WWTR1: variants seen among roughly 807,000 people sequenced by gnomAD.
WWTR1 encodes WW domain containing transcription regulator 1, also known as WW domain-containing transcription regulator protein 1.
In WWTR1, 13 loss-of-function variants were observed where a neutral mutation model predicts 40.1. That is an observed-to-expected ratio of 0.32 (90% CI 0.21 to 0.52). The LOEUF is 0.52. Ranked by LOEUF, WWTR1 falls within the 20% of genes least tolerant of loss-of-function variation. The pLI is 0.97. For synonymous variants in WWTR1, 230 were observed against 210.1 expected (o/e 1.09, Z -0.82); for missense variants, 436 against 523.1 (o/e 0.83, Z 1.63).
At chr3:149,622,502 G>GA (rs1553800284) in intron 2 of WWTR1, among the ~76,000 whole-genome samples, 2,656 of 46,214 alleles carry the variant, frequency 0.057, 144 homozygotes, top group Non-Finnish European at 0.073. Flanking sequence ...AGGAAGGAAG[G>GA]AAGAAAGAAA....
At chr3:149,691,379 T>A (rs1424882972) in intron 1 of WWTR1, among the ~76,000 whole-genome samples, 2 of 147,346 alleles carry the variant, frequency 1.4e-5, no homozygotes, top group African/African-American at 5.0e-5. Flanking sequence ...TGAAAATTTC[T>A]TTTTTTTTTG....
At chr3:149,670,526 C>T (rs149020688) in intron 1 of WWTR1, among the ~76,000 whole-genome samples, 2,209 of 152,084 alleles carry the variant, frequency 0.015, 24 homozygotes, top group Middle Eastern at 0.02. Context: ...CCCCTGTAGT[C>T]CCAGCTACTC....
intron 1 of WWTR1, among the ~76,000 whole-genome samples, chr3:149,682,951 G>A (rs1258674017): frequency 6.6e-6 from 1 of 152,156 alleles, no homozygotes; most frequent in East Asian, 1.9e-4. Context: ...GATGAAGCAT[G>A]GACCCTGGGG....
intron 1 of WWTR1, 59 bp from the exon 2 acceptor site, chr3:149,657,368 G>T: frequency 6.6e-7 from 1 of 1,516,992 alleles, no homozygotes; most frequent in Non-Finnish European, 8.9e-7. Flanking sequence ...GGGTAAGAGG[G>T]TTACAGGGTG....
intron 3 of WWTR1, among the ~76,000 whole-genome samples, chr3:149,552,356 G>A (rs1736648586): frequency 9.2e-6 from 1 of 109,056 alleles, no homozygotes; most frequent in Admixed American, 8.8e-5. Context: ...CCAAAGTAAG[G>A]TTAAGGGAGG....
Position 149,594,961 on chromosome 3 carries a change from T to C in WWTR1, c.432-21961A>G, listed in dbSNP as rs946956114. On this transcript the variant is annotated intron_variant, in intron 2 of 6. Coordinates refer to ENST00000360632, the MANE Select transcript of WWTR1 (RefSeq NM_015472.6). ...TAACCTCTTTTTTACTTTTTTTTTT[T>C]TTTTTTTTTTTTTTTTTTTGAGACG... Among the ~76,000 whole-genome samples the C allele has an allele frequency of 1.3e-3, 152 of 120,786 alleles. 2 individuals are homozygous for C. Among genetic ancestry groups the C allele is most frequent in the African/African-American group, 4.9e-3 (144 of 29,678 alleles). 79.2% of individuals were successfully genotyped at this position (120,786 alleles called of 152,430 possible).
chr3:149,520,879 C>G lies in WWTR1; in HGVS notation c.1129G>C (p.Glu377Gln), dbSNP rs1402172862. The G allele has an allele frequency of 1.2e-6, 2 of 1,613,484 alleles. No individual in the cohort carries two copies. The highest frequency in any genetic ancestry group is 1.7e-6 in the Non-Finnish European group (2 of 1,179,850). The change falls in exon 7 of 7, where the codon GAA becomes CAA. Residue 377 changes from glutamate (E) to glutamine (Q), a missense_variant. Physicochemically the swap from Glu to Gln is conservative, Grantham distance 29. Coordinates refer to ENST00000360632, the MANE Select transcript of WWTR1 (RefSeq NM_015472.6). ...TCATTGAAGAGGGGGATCAGGTCTT[C>G]AGATTCCAAAGTTCCTAAGTCAACG... ...TNVDLGTLESEDLIPLFNDVE... is the reference protein window; with the variant it reads ...TNVDLGTLESQDLIPLFNDVE...
intron 2 of WWTR1, among the ~76,000 whole-genome samples, chr3:149,629,462 T>C (rs1338492420): frequency 6.6e-6 from 1 of 152,190 alleles, no homozygotes; most frequent in Non-Finnish European, 1.5e-5. Context: ...AGGACTTGAG[T>C]GTGGCCTGTA....
chr3:149,553,717 C>G (rs16861985), intron 3 of WWTR1, among the ~76,000 whole-genome samples: 9,337 of 152,146 alleles, frequency 0.061, 730 homozygotes, highest in African/African-American at 0.18. Flanking sequence ...ATGTGCAGAC[C>G]CAGCCACATC....
chr3:149,692,081 A>G (rs1714844217), intron 1 of WWTR1, among the ~76,000 whole-genome samples: 1 of 152,104 alleles, frequency 6.6e-6, no homozygotes, highest in African/African-American at 2.4e-5. Context: ...CAAAAAATAG[A>G]GGAGGAGTGA....
At chr3:149,529,808 C>A (rs1044880416) in intron 4 of WWTR1, among the ~76,000 whole-genome samples, 2 of 152,070 alleles carry the variant, frequency 1.3e-5, no homozygotes, top group Non-Finnish European at 2.9e-5. Context: ...ACACCCTGAG[C>A]CACAGTTTGA....
intron 2 of WWTR1, among the ~76,000 whole-genome samples, chr3:149,636,895 C>T (rs1376281237): frequency 7.4e-6 from 1 of 134,356 alleles, no homozygotes; most frequent in East Asian, 2.2e-4. Context: ...ACCCAGGGGG[C>T]AGAGGTTGCA....
In WWTR1 at chr3:149,671,290, A is replaced by G. The variant is rs574699570; in HGVS notation, c.-107-1399T>C. Among the ~76,000 whole-genome samples the G allele has an allele frequency of 1.2e-4, 19 of 152,296 alleles. 1 individual carries two copies. The highest frequency in any genetic ancestry group is 4.6e-4 in the African/African-American group (19 of 41,562). On this transcript the variant is annotated intron_variant, in intron 1 of 7. Transcript: ENST00000465804. ...GGCAGGACTCCTGACAAGCAAGGAC[A>G]TTCCTGTGTATGAACACTGTCTAAG...
chr3:149,651,878 G>A (rs1026102668), intron 2 of WWTR1, among the ~76,000 whole-genome samples: 5 of 141,778 alleles, frequency 3.5e-5, no homozygotes, highest in Admixed American at 7.4e-5. Context: ...TGCCCAGGCT[G>A]GAGTGCAGTG....
At chr3:149,687,375 A>C (rs1559841534) in intron 1 of WWTR1, among the ~76,000 whole-genome samples, 1 of 152,184 alleles carries the variant, frequency 6.6e-6, no homozygotes, top group African/African-American at 2.4e-5. Context: ...CTTCTTTAAT[A>C]ATGTTTTTAG....
intron 2 of WWTR1, among the ~76,000 whole-genome samples, chr3:149,631,701 C>A (rs923282839): frequency 6.6e-6 from 1 of 152,148 alleles, no homozygotes; most frequent in African/African-American, 2.4e-5. Flanking sequence ...TATAGCCATT[C>A]TTGTCAAATG....
At chr3:149,595,115 C>T (rs1167614356) in intron 2 of WWTR1, among the ~76,000 whole-genome samples, 1 of 151,692 alleles carries the variant, frequency 6.6e-6, no homozygotes, top group Non-Finnish European at 1.5e-5. Flanking sequence ...GCATGCACCA[C>T]CACGCCCAGC....
chr3:149,611,365 C>T (rs919686477), intron 2 of WWTR1, among the ~76,000 whole-genome samples: 2 of 152,260 alleles, frequency 1.3e-5, no homozygotes, highest in South Asian at 4.1e-4. Flanking sequence ...GCCACACTCA[C>T]TTATCTATGT....
intron 2 of WWTR1, among the ~76,000 whole-genome samples, chr3:149,584,540 G>T (rs1738320335): frequency 6.6e-6 from 1 of 152,166 alleles, no homozygotes; most frequent in Admixed American, 6.6e-5. Flanking sequence ...AAATTATTTG[G>T]AGGATCAAAG....
Sources: gnomAD v4.1 joint callset for allele counts (sites outside exome capture counted in the v4.1 genomes callset) on GRCh38, gnomAD v4.1.1 for gene constraint, MANE v1.5 for transcripts, NCBI Gene and HGNC (gene_info 2026-07-23, HGNC 2026-07-21) for gene names.